Variants in EXOC2 observed in about 807,000 individuals in gnomAD.
EXOC2 encodes SEC5-like 1.
In EXOC2, 70 loss-of-function variants were observed where a neutral mutation model predicts 131.8. The observed-to-expected ratio is 0.53, with a 90% CI of 0.44 to 0.65. The LOEUF is 0.65. Among genes scored for constraint, EXOC2 ranks in the 30% least tolerant of loss-of-function variants. EXOC2 has a pLI of 0.00. For synonymous variants in EXOC2, 411 were observed against 398.4 expected, an observed-to-expected ratio of 1.03 and a Z score of -0.38; for missense variants, 923 against 1,108.6, an observed-to-expected ratio of 0.83 and a Z score of 2.38.
At chr6:503,165 CTTT>C (rs34676213) in intron 23 of EXOC2, among the ~76,000 whole-genome samples, 8 of 147,008 alleles carry the variant, frequency 5.4e-5, no homozygotes, top group African/African-American at 1.7e-4. Flanking sequence ...GGAGCAAGTA[CTTT>C]TTTTTTTTTT....
chr6:626,892 C>G (rs78224814), intron 4 of EXOC2, among the ~76,000 whole-genome samples: 1 of 152,144 alleles, frequency 6.6e-6, no homozygotes, highest in Admixed American at 6.5e-5. Flanking sequence ...CACGCCCGGC[C>G]GCAAACTTTT....
chr6:630,043 T>C, intron 3 of EXOC2, 82 bp from the exon 4 acceptor site: 2 of 1,503,548 alleles, frequency 1.3e-6, no homozygotes, highest in Non-Finnish European at 1.8e-6. Context: ...TCTGACTTCT[T>C]AAAGACCTAA....
At chr6:631,408 C>T (rs754382580) in intron 3 of EXOC2, among the ~76,000 whole-genome samples, 13 of 152,022 alleles carry the variant, frequency 8.6e-5, no homozygotes, top group Non-Finnish European at 1.8e-4. Flanking sequence ...CATGGTGGCA[C>T]GCACCTGTAA....
chr6:571,362 C>T (rs1758267715), intron 13 of EXOC2, among the ~76,000 whole-genome samples: 1 of 152,204 alleles, frequency 6.6e-6, no homozygotes, highest in African/African-American at 2.4e-5. Flanking sequence ...TTTTTATGCA[C>T]ATAGTAAATT....
Position 638,504 on chromosome 6 carries a change from A to C in EXOC2, c.-43-643T>G, listed in dbSNP as rs116637475. 4.2e-3 allele frequency among the ~76,000 whole-genome samples: 645 copies of C among 152,312 alleles called. 6 individuals carry two copies. Among genetic ancestry groups the C allele is most frequent in the African/African-American group, 0.013 (526 of 41,564 alleles). Reference sequence around the variant, plus strand: ...AAGTACTGCTGCTCCCATTTACTAAATCTGTTCTAAATCTCCCTCTTCTTG... The same window carrying C: ...AAGTACTGCTGCTCCCATTTACTAACTCTGTTCTAAATCTCCCTCTTCTTG... On this transcript the variant is annotated intron_variant, in intron 1 of 27. Transcript: ENST00000230449.
At chr6:601,031 G>T (rs1041991217) in intron 7 of EXOC2, among the ~76,000 whole-genome samples, 1 of 152,072 alleles carries the variant, frequency 6.6e-6, no homozygotes, top group African/African-American at 2.4e-5. Flanking sequence ...TGTGCAAATA[G>T]ATAAAAATCA....
intron 23 of EXOC2, among the ~76,000 whole-genome samples, chr6:520,988 GATACTCACCGTCC>G (rs1765412573): frequency 7.4e-6 from 1 of 135,696 alleles, no homozygotes; most frequent in Admixed American, 7.5e-5. Context: ...ACCGAGCCCC[GATACTCACCGTCC>G]ACACTCGGAG....
intron 1 of EXOC2, among the ~76,000 whole-genome samples, chr6:677,529 C>T (rs1468416041): frequency 6.6e-6 from 1 of 152,104 alleles, no homozygotes; most frequent in Non-Finnish European, 1.5e-5. Context: ...TATCCAGGTA[C>T]TTAATTTTTT....
chr6:510,016 T>C (rs749667099), intron 23 of EXOC2, among the ~76,000 whole-genome samples: 3 of 152,110 alleles, frequency 2.0e-5, no homozygotes, highest in East Asian at 3.8e-4. Flanking sequence ...ACTGAAACAC[T>C]ACTGAAAAAA....
rs530136582 is a variant in EXOC2 at position 608,751 on chromosome 6, T to C, written c.742+1347A>G. Among the ~76,000 whole-genome samples, 4 of 152,336 alleles carry C rather than the reference T, an allele frequency of 2.6e-5. No individual in the cohort carries two copies. The South Asian group carries it at 6.2e-4, about 24-fold the overall frequency. On this transcript the variant is annotated intron_variant, in intron 7 of 27. Coordinates refer to ENST00000230449, the MANE Select transcript of EXOC2 (RefSeq NM_018303.6). ...ACAAGGATCTCCTTCTCTGATACCA[T>C]CATATACTTACTATGTCAACTGTTC...
chr6:657,255 A>C (rs1228973005), intron 1 of EXOC2: 1 of 265,848 alleles, frequency 3.8e-6, no homozygotes, highest in Non-Finnish European at 7.0e-6. Flanking sequence ...AGTATTCTAA[A>C]CACAATGAAG....
In EXOC2 at chr6:658,456, T is replaced by C. The variant is rs540657721; in HGVS notation, c.-43-20595A>G. Among the ~76,000 whole-genome samples, 5 of 151,982 alleles carry C rather than the reference T, an allele frequency of 3.3e-5. No homozygotes were observed. The South Asian group carries it at 1.0e-3, about 32-fold the overall frequency. On this transcript the variant is annotated intron_variant, in intron 1 of 27. Coordinates refer to ENST00000230449, the MANE Select transcript of EXOC2 (RefSeq NM_018303.6). ...ATAGTACATACTTAGACTTCTTTGT[T>C]TGCCGTCTAGCTCTAACCACAATGA... is the stretch of plus-strand genomic sequence containing the variant.
At chr6:521,248 G>A (rs1289749436) in intron 23 of EXOC2, among the ~76,000 whole-genome samples, 2 of 149,156 alleles carry the variant, frequency 1.3e-5, no homozygotes, top group African/African-American at 5.0e-5. Context: ...GACACGCACC[G>A]TCCACACTCG....
intron 4 of EXOC2, among the ~76,000 whole-genome samples, chr6:627,629 G>A (rs981013274): frequency 3.3e-5 from 5 of 152,116 alleles, no homozygotes; most frequent in Admixed American, 6.5e-5. Flanking sequence ...CCTCCGAGAC[G>A]GAGTGACGGT....
intron 11 of EXOC2, among the ~76,000 whole-genome samples, chr6:577,356 T>G (rs960745037): frequency 6.6e-6 from 1 of 152,108 alleles, no homozygotes; most frequent in African/African-American, 2.4e-5. Context: ...TGTGGATCCT[T>G]TTCACCTCAC....
intron 1 of EXOC2, among the ~76,000 whole-genome samples, chr6:686,910 A>G (rs1764681365): frequency 6.6e-6 from 1 of 152,214 alleles, no homozygotes; most frequent in African/African-American, 2.4e-5. Flanking sequence ...AAATGAAGAC[A>G]AAAACTTCAA....
At chr6:565,873 C>T (rs982113045) in intron 13 of EXOC2, among the ~76,000 whole-genome samples, 4 of 152,006 alleles carry the variant, frequency 2.6e-5, no homozygotes, top group African/African-American at 9.7e-5. Context: ...ATAAAAACTG[C>T]GTGTAGGGTT....
chr6:521,005 C>A lies in EXOC2; in HGVS notation c.2380+11464G>T, dbSNP rs577858893. Among the ~76,000 whole-genome samples, 3 of 151,604 alleles carry A rather than the reference C, an allele frequency of 2.0e-5. No individual in the cohort carries two copies. In the East Asian group the frequency reaches 5.9e-4, roughly 30 times the overall value. On this transcript the variant is annotated intron_variant, in intron 23 of 27. Transcript: ENST00000230449. ...CGAGCCCCGATACTCACCGTCCACA[C>A]TCGGAGATGAAAACAACCGCCCACC...
At chr6:619,844 T>G (rs1761197551) in intron 4 of EXOC2, among the ~76,000 whole-genome samples, 1 of 152,154 alleles carries the variant, frequency 6.6e-6, no homozygotes, top group African/African-American at 2.4e-5. Context: ...TCTGGCTGAG[T>G]TGACAGTTTT....
Sources: gnomAD v4.1 joint callset for allele counts (sites outside exome capture counted in the v4.1 genomes callset) on GRCh38, gnomAD v4.1.1 for gene constraint, MANE v1.5 for transcripts, NCBI Gene and HGNC (gene_info 2026-07-23, HGNC 2026-07-21) for gene names.